Variants in ABLIM2 observed in about 807,000 individuals in gnomAD.
ABLIM2 encodes the protein actin binding LIM protein family member 2.
ABLIM2 carries 53 observed loss-of-function variants against 97.7 expected under a neutral mutation model. The observed-to-expected ratio is 0.54, with a 90% confidence interval of 0.44 to 0.68. The LOEUF (loss-of-function observed/expected upper bound fraction) is 0.68, where lower values mean the gene tolerates loss of function less well. Ranked by LOEUF, ABLIM2 falls within the 30% of genes least tolerant of loss-of-function variation. ABLIM2 has a pLI of 0.00. For missense variants in ABLIM2, 835 were observed against 867.2 expected, an observed-to-expected ratio of 0.96 and a Z score of 0.47; for synonymous variants, 361 against 345.8, an observed-to-expected ratio of 1.04 and a Z score of -0.49.
At chr4:8,018,085 T>C (rs1770799604) in intron 14 of ABLIM2, among the ~76,000 whole-genome samples, 1 of 152,052 alleles carries the variant, frequency 6.6e-6, no homozygotes, top group African/African-American at 2.4e-5. Flanking sequence ...AGGTCGAAAC[T>C]CTTTGTCTTA....
Position 8,054,281 on chromosome 4 carries a change from G to C in ABLIM2, c.764-35C>G. 1.2e-6 allele frequency: 2 copies of C among 1,607,436 alleles called. No homozygotes were observed. The highest frequency in any genetic ancestry group is 1.7e-6 in the Non-Finnish European group (2 of 1,174,064). Reference sequence around the variant, plus strand: ...AATTCCCAAGAGGGAAATGATTAGAGTTATTTCCCATGTTGCAGGGGCCTG... The same window carrying C: ...AATTCCCAAGAGGGAAATGATTAGACTTATTTCCCATGTTGCAGGGGCCTG... On this transcript the variant is annotated intron_variant, in intron 7 of 20. Coordinates refer to ENST00000447017, the MANE Select transcript of ABLIM2 (RefSeq NM_001130083.2). The surrounding 1 kb of genome is among the most constrained non-coding windows in gnomAD (Gnocchi z 4.9).
At chr4:8,099,863 G>C (rs1003018955) in intron 2 of ABLIM2, among the ~76,000 whole-genome samples, 1 of 151,968 alleles carries the variant, frequency 6.6e-6, no homozygotes, top group Non-Finnish European at 1.5e-5. Flanking sequence ...AAACAAAACA[G>C]CAACAACAAA....
chr4:7,974,503 T>G (rs1304839637), intron 20 of ABLIM2, among the ~76,000 whole-genome samples: 1 of 135,808 alleles, frequency 7.4e-6, no homozygotes, highest in African/African-American at 2.8e-5. Flanking sequence ...ATCCACCCAT[T>G]AATCCATTCA....
At position 8,125,809 on chromosome 4, in the gene ABLIM2, G is replaced by A. The variant is rs62289398; in HGVS notation, c.11-19172C>T. On this transcript the variant is annotated intron_variant, in intron 1 of 20. Coordinates refer to ENST00000447017, the MANE Select transcript of ABLIM2 (RefSeq NM_001130083.2). This position sits in a 1 kb window ranked among gnomAD's most constrained non-coding sequence, Gnocchi z 6.2. ...CTGTCTGCTCTGGGCATCCACGGCT[G>A]TCCTCAGAATGCTCCAGCACCCCAG... is the stretch of plus-strand genomic sequence containing the variant. Among the ~76,000 whole-genome samples, 3,348 of 152,294 alleles carry A rather than the reference G, an allele frequency of 0.022. 60 individuals are homozygous for A. The highest frequency in any genetic ancestry group is 0.03 in the Non-Finnish European group (2,036 of 68,026).
rs752575241 is a variant in ABLIM2 at position 8,113,832 on chromosome 4, C to G, written c.11-7195G>C. ...AGGTCCCGGCTCACCCAGAGCGGGT[C>G]ACAGGACACACAGTTCCAGCTTCCC... On this transcript the variant is annotated intron_variant, in intron 1 of 20. Coordinates refer to ENST00000447017, the MANE Select transcript of ABLIM2 (RefSeq NM_001130083.2). This position sits in a 1 kb window ranked among gnomAD's most constrained non-coding sequence, Gnocchi z 4.5. 3.3e-5 allele frequency among the ~76,000 whole-genome samples: 5 copies of G among 152,214 alleles called. No individual in the cohort carries two copies. Among genetic ancestry groups the G allele is most frequent in the Non-Finnish European group, 7.3e-5 (5 of 68,034 alleles).
chr4:8,104,558 G>C (rs1237237375), intron 2 of ABLIM2, among the ~76,000 whole-genome samples: 1 of 152,212 alleles, frequency 6.6e-6, no homozygotes, highest in Non-Finnish European at 1.5e-5. Flanking sequence ...TCCTTGGACA[G>C]AGTCTCAGCA....
At chr4:8,153,700 C>A (rs1388362614) in intron 1 of ABLIM2, among the ~76,000 whole-genome samples, 1 of 145,980 alleles carries the variant, frequency 6.9e-6, no homozygotes, top group Non-Finnish European at 1.5e-5. Flanking sequence ...TGGGTTTCTA[C>A]CAGCGCTGGA....
At position 8,015,333 on chromosome 4, in the gene ABLIM2, G is replaced by C. The variant is rs1768175623; in HGVS notation, c.1423+4285C>G. Reference sequence around the variant, plus strand: ...TCCTTCAGAGCCCCAAAATGCGTCGGCCATGAGGAACCCTCTAGGGAGAGG... The same window carrying C: ...TCCTTCAGAGCCCCAAAATGCGTCGCCCATGAGGAACCCTCTAGGGAGAGG... On this transcript the variant is annotated intron_variant, in intron 14 of 20. Coordinates refer to ENST00000447017, the MANE Select transcript of ABLIM2 (RefSeq NM_001130083.2). The surrounding 1 kb of genome is among the most constrained non-coding windows in gnomAD (Gnocchi z 4.6). Among the ~76,000 whole-genome samples the C allele has an allele frequency of 6.6e-6, 1 of 151,998 alleles. No homozygotes were observed. The highest frequency in any genetic ancestry group is 2.4e-5 in the African/African-American group (1 of 41,352).
chr4:8,136,695 G>A (rs944873374), intron 1 of ABLIM2, among the ~76,000 whole-genome samples: 4 of 152,238 alleles, frequency 2.6e-5, no homozygotes, highest in African/African-American at 7.2e-5. Flanking sequence ...CGACAAGGCC[G>A]AGGGAAGCGG....
intron 1 of ABLIM2, among the ~76,000 whole-genome samples, chr4:8,143,838 ACACGGCTGCCTGT>A (rs2152949703): frequency 6.6e-6 from 1 of 152,276 alleles, no homozygotes; most frequent in South Asian, 2.1e-4. Context: ...ATGTTAGAGG[ACACGGCTGCCTGT>A]CAGCCCTGGG....
Position 8,019,687 on chromosome 4 carries a change from G to GA in ABLIM2, c.1370-17dup, listed in dbSNP as rs773424984. ...ACGCCAGTGTCTGGGGAAGAAGAAA[G>GA]AAAAAAAAGGAGAGAACAGGAGGGT... On this transcript the variant is annotated splice_polypyrimidine_tract_variant and intron_variant, in intron 13 of 20. Coordinates refer to ENST00000447017, the MANE Select transcript of ABLIM2 (RefSeq NM_001130083.2). This position sits in a 1 kb window ranked among gnomAD's most constrained non-coding sequence, Gnocchi z 4.3. 6.4e-5 allele frequency: 102 copies of GA among 1,599,934 alleles called. No individual in the cohort carries two copies. Among genetic ancestry groups the GA allele is most frequent in the Admixed American group, 2.1e-4 (12 of 57,666 alleles).
At chr4:7,973,228 C>T (rs542252961) in intron 20 of ABLIM2, among the ~76,000 whole-genome samples, 29 of 152,016 alleles carry the variant, frequency 1.9e-4, no homozygotes, top group African/African-American at 6.3e-4. Context: ...GCTGAGGTGT[C>T]GGCTGGGCAC....
In ABLIM2 at chr4:8,004,122, C is replaced by CTGCCAGGA. The variant is rs559004636; in HGVS notation, c.1618+3936_1618+3937insTCCTGGCA. 3.6e-4 allele frequency among the ~76,000 whole-genome samples: 55 copies of CTGCCAGGA among 151,778 alleles called. No homozygotes were observed. The highest frequency in any genetic ancestry group is 1.3e-3 in the African/African-American group (52 of 41,266). On this transcript the variant is annotated intron_variant, in intron 16 of 20. Coordinates refer to ENST00000447017, the MANE Select transcript of ABLIM2 (RefSeq NM_001130083.2). The surrounding 1 kb of genome is among the most constrained non-coding windows in gnomAD (Gnocchi z 5.9). ...GGTCCCCACCCACCACCTTCCCTTC[C>CTGCCAGGA]ACAGAAAAGCTGCAGCAGGGTCGCT...
At position 8,120,613 on chromosome 4, in the gene ABLIM2, T is replaced by G. The variant is rs1485546049; in HGVS notation, c.11-13976A>C. On this transcript the variant is annotated intron_variant, in intron 1 of 20. Transcript: ENST00000447017. The surrounding 1 kb of genome is among the most constrained non-coding windows in gnomAD (Gnocchi z 5.6). ...CTGGGACTTCTGGCCTCCAGAACTG[T>G]GGGAGGATGCACATCTGCCAGTCCA... is the stretch of plus-strand genomic sequence containing the variant. Among the ~76,000 whole-genome samples the G allele has an allele frequency of 6.6e-6, 1 of 152,038 alleles. No individual in the cohort carries two copies. Among genetic ancestry groups the G allele is most frequent in the Non-Finnish European group, 1.5e-5 (1 of 67,980 alleles).
rs866134901 is a variant in ABLIM2, at chr4:8,056,912, A to G, written c.764-2666T>C. On this transcript the variant is annotated intron_variant, in intron 7 of 20. Coordinates refer to ENST00000447017, the MANE Select transcript of ABLIM2 (RefSeq NM_001130083.2). ...GCACCACTGCACTCCACCCTGGGCG[A>G]CAGAGCGAAACTCCGTCTCAAAAAA... Among the ~76,000 whole-genome samples the G allele has an allele frequency of 3.6e-4, 47 of 130,766 alleles. 1 individual carries two copies. Among genetic ancestry groups the G allele is most frequent in the Middle Eastern group, 8.1e-3 (2 of 246 alleles). 85.8% of individuals were successfully genotyped at this position (130,766 alleles called of 152,430 possible).
Position 8,122,396 on chromosome 4 carries a change from C to T in ABLIM2, c.11-15759G>A, listed in dbSNP as rs1845881914. 6.6e-6 allele frequency among the ~76,000 whole-genome samples: 1 copy of T among 152,222 alleles called. No homozygotes were observed. Among genetic ancestry groups the T allele is most frequent in the African/African-American group, 2.4e-5 (1 of 41,460 alleles). On this transcript the variant is annotated intron_variant, in intron 1 of 20. Transcript: ENST00000447017. This position sits in a 1 kb window ranked among gnomAD's most constrained non-coding sequence, Gnocchi z 4.1. ...GATGTGGTGGCTTAAAAGACTGACA[C>T]TTATCTCCCACAGTTCTGGAGCCTA...
chr4:8,065,590 T>C (rs1412577465), intron 6 of ABLIM2, among the ~76,000 whole-genome samples: 4 of 152,146 alleles, frequency 2.6e-5, no homozygotes, highest in Admixed American at 2.6e-4. Context: ...GGAAATTCAC[T>C]CTTTGGCATT....
At chr4:8,080,549 T>G (rs1819115667) in intron 5 of ABLIM2, 127 bp downstream of exon 5, 2 of 1,097,222 alleles carry the variant, frequency 1.8e-6, no homozygotes, top group African/African-American at 3.2e-5. Flanking sequence ...AGCAGGGCAG[T>G]AGTAGCTGTG....
chr4:7,978,069 T>C (rs973675280), intron 20 of ABLIM2, among the ~76,000 whole-genome samples: 1 of 152,148 alleles, frequency 6.6e-6, no homozygotes, highest in African/African-American at 2.4e-5. Flanking sequence ...TTCTGGACTT[T>C]TATGACAGTT....
Sources: allele counts gnomAD v4.1 joint callset (sites outside exome capture counted in the v4.1 genomes callset), GRCh38; gene constraint gnomAD v4.1.1; non-coding constraint Gnocchi (gnomAD v3.1); transcripts MANE v1.5; gene names NCBI Gene and HGNC (gene_info 2026-07-23, HGNC 2026-07-21).